Variants in TMEM53 observed in about 807,000 individuals in gnomAD.
TMEM53 encodes transmembrane protein 53, also known as novel DUF829 domain-containing protein.
Under a neutral mutation model 21.4 loss-of-function variants are expected in TMEM53, and 14 were observed. The ratio of observed to expected loss-of-function variants is 0.65; its 90% CI spans 0.43 to 1.02. The LOEUF (loss-of-function observed/expected upper bound fraction) is 1.02, where lower values mean the gene tolerates loss of function less well. TMEM53 is among the 50% of genes least tolerant of loss of function. The pLI is 0.00. For synonymous variants in TMEM53, 148 were observed against 157.4 expected (o/e 0.94, Z 0.45); for missense variants, 323 against 383.6 (o/e 0.84, Z 1.32).
At chr1:44,669,663 T>C (rs187587010) in intron 1 of TMEM53, among the ~76,000 whole-genome samples, 1 of 152,086 alleles carries the variant, frequency 6.6e-6, no homozygotes, top group East Asian at 1.9e-4. Flanking sequence ...GGCATGTGGA[T>C]AGAACATGGT....
Position 44,654,283 on chromosome 1 carries a change from A to T in TMEM53, c.*276T>A. The stretch of plus-strand genomic sequence containing the variant: ...CTACAGCCTGCATGCCACAGGAATC[A>T]GCAGCCTGACTGTTGCACTTGTCCA... On this transcript the variant is annotated 3_prime_UTR_variant, in exon 3 of 3. Coordinates refer to ENST00000372237, the MANE Select transcript of TMEM53 (RefSeq NM_024587.4). This position sits in a 1 kb window ranked among gnomAD's most constrained non-coding sequence, Gnocchi z 7.0. 2.3e-6 allele frequency: 1 copy of T among 437,254 alleles called. No individual in the cohort carries two copies. Among genetic ancestry groups the T allele is most frequent in the Non-Finnish European group, 4.1e-6 (1 of 242,700 alleles). The allele number at this position is 437,254 out of a possible 1,614,324, so 27.1% of individuals were successfully genotyped here.
Position 44,655,184 on chromosome 1 carries a change from G to A in TMEM53, c.209C>T (p.Ala70Val), listed in dbSNP as rs141724304. 1.9e-6 allele frequency: 3 copies of A among 1,610,924 alleles called. No homozygotes were observed. The highest frequency in any genetic ancestry group is 2.5e-6 in the Non-Finnish European group (3 of 1,178,422). Residue 70 changes from alanine (A) to valine (V), a missense_variant, in exon 3 of 3, where the codon GCC (alanine) becomes GTC (valine). Transcript: ENST00000372237. The surrounding 1 kb of genome is among the most constrained non-coding windows in gnomAD (Gnocchi z 4.4). Reference sequence around the variant, plus strand: ...GGAGAAGAAGACCATGTGCCACGGGGCTGTGTATCGGATTACGATGCAGCC... The same window carrying A: ...GGAGAAGAAGACCATGTGCCACGGGACTGTGTATCGGATTACGATGCAGCC... ...KRGCIVIRYT[A>V]PWHMVFFSES...
chr1:44,654,238 C>A lies in TMEM53; in HGVS notation c.*321G>T. The A allele has an allele frequency of 3.4e-6, 1 of 293,412 alleles. No individual in the cohort carries two copies. The highest frequency in any genetic ancestry group is 9.3e-5 in the South Asian group (1 of 10,762). The allele number at this position is 293,412 out of a possible 1,614,324, so 18.2% of individuals were successfully genotyped here. On this transcript the variant is annotated 3_prime_UTR_variant, in exon 3 of 3. Coordinates refer to ENST00000372237, the MANE Select transcript of TMEM53 (RefSeq NM_024587.4). This position sits in a 1 kb window ranked among gnomAD's most constrained non-coding sequence, Gnocchi z 7.0. ...ATCAACTAGGGCTCACCCTCAACAC[C>A]CCCCTCCATTTGTCAACCTCTACAG...
chr1:44,663,215 C>T (rs931905642), intron 1 of TMEM53, among the ~76,000 whole-genome samples: 6 of 152,188 alleles, frequency 3.9e-5, no homozygotes, highest in Non-Finnish European at 7.4e-5. Flanking sequence ...CACCATGGCC[C>T]GGCTCATTTA....
chr1:44,673,946 A>G (rs1645048400), intron 1 of TMEM53: 1 of 985,342 alleles, frequency 1.0e-6, no homozygotes, highest in Admixed American at 6.1e-5. Context: ...GCCTTCGGGA[A>G]AATAATAAGT....
At chr1:44,664,725 C>T (rs913656983) in intron 1 of TMEM53, among the ~76,000 whole-genome samples, 3 of 152,190 alleles carry the variant, frequency 2.0e-5, no homozygotes, top group South Asian at 2.1e-4. Flanking sequence ...TAAATGACCT[C>T]ATCTACCTGC....
At chr1:44,673,725 T>G in intron 1 of TMEM53, 1 of 564,222 alleles carries the variant, frequency 1.8e-6, no homozygotes, top group Non-Finnish European at 2.2e-6. Flanking sequence ...CTTATCCCGG[T>G]TTTGCAGAGG....
At chr1:44,665,076 A>T (rs545776454) in intron 1 of TMEM53, among the ~76,000 whole-genome samples, 85 of 151,350 alleles carry the variant, frequency 5.6e-4, no homozygotes, top group African/African-American at 2.0e-3. Context: ...GCCCTCCCCA[A>T]CCCCTTCTCA....
chr1:44,657,308 G>A (rs75056834), intron 2 of TMEM53, among the ~76,000 whole-genome samples: 35,578 of 152,010 alleles, frequency 0.23, 5,268 homozygotes, highest in Middle Eastern at 0.35. Context: ...CACATCCGCT[G>A]TAAAGGATGC....
intron 1 of TMEM53, 59 bp downstream of exon 1, chr1:44,674,272 G>C (rs1285603804): frequency 1.3e-6 from 2 of 1,547,712 alleles, no homozygotes; most frequent in African/African-American, 2.8e-5. Flanking sequence ...AGCTGCGCTC[G>C]CAACCCACAG....
intron 1 of TMEM53, chr1:44,673,806 C>T: frequency 1.0e-6 from 1 of 974,300 alleles, no homozygotes; most frequent in East Asian, 1.1e-4. Context: ...GTCAGGATTT[C>T]AGTCGAGTTC....
At chr1:44,662,313 C>G (rs1233839484) in intron 1 of TMEM53, among the ~76,000 whole-genome samples, 2 of 152,236 alleles carry the variant, frequency 1.3e-5, no homozygotes, top group African/African-American at 4.8e-5. Context: ...CCTGCCAGCC[C>G]TCCCGGCCTC....
Position 44,654,770 on chromosome 1 carries a change from G to A in TMEM53, c.623C>T (p.Ser208Phe), listed in dbSNP as rs766749596. Residue 208 changes from serine (S) to phenylalanine (F), a missense_variant, in exon 3 of 3, where the codon TCT becomes TTT. Transcript: ENST00000372237. The surrounding 1 kb of genome is among the most constrained non-coding windows in gnomAD (Gnocchi z 7.0). ...GTAGAGGTAGAGCTCGGGCCAGCGAGAGCCCGCGTCCTGTAGCCTGTCATA... is the reference window on the plus strand; with the variant it reads ...GTAGAGGTAGAGCTCGGGCCAGCGAAAGCCCGCGTCCTGTAGCCTGTCATA... Reference protein sequence around the residue: ...HFYDRLQDAGSRWPELYLYSR... With the variant: ...HFYDRLQDAGFRWPELYLYSR... The A allele has an allele frequency of 6.2e-7, 1 of 1,614,058 alleles. No individual in the cohort carries two copies. Among genetic ancestry groups the A allele is most frequent in the Admixed American group, 1.7e-5 (1 of 60,030 alleles).
Position 44,654,514 on chromosome 1 carries a change from G to T in TMEM53, c.*45C>A. The stretch of plus-strand genomic sequence containing the variant: ...GACAGATTGCAGGTTGTGGGGAGGT[G>T]TCAGGCATTTATTTCTGGAGCAGAG... On this transcript the variant is annotated 3_prime_UTR_variant, in exon 3 of 3. Coordinates refer to ENST00000372237, the MANE Select transcript of TMEM53 (RefSeq NM_024587.4). The surrounding 1 kb of genome is among the most constrained non-coding windows in gnomAD (Gnocchi z 7.0). 1 of 1,572,484 alleles carries T rather than the reference G, an allele frequency of 6.4e-7. No individual in the cohort carries two copies.
Position 44,654,283 on chromosome 1 carries a change from A to G in TMEM53, c.*276T>C, listed in dbSNP as rs1422233219. 4 of 437,136 alleles carry G rather than the reference A, an allele frequency of 9.2e-6. No individual in the cohort carries two copies. Among genetic ancestry groups the G allele is most frequent in the Admixed American group, 7.8e-5 (2 of 25,612 alleles). 27.1% of individuals were successfully genotyped at this position (437,136 alleles called of 1,614,324 possible). On this transcript the variant is annotated 3_prime_UTR_variant, in exon 3 of 3. Transcript: ENST00000372237. This position sits in a 1 kb window ranked among gnomAD's most constrained non-coding sequence, Gnocchi z 7.0. The stretch of plus-strand genomic sequence containing the variant: ...CTACAGCCTGCATGCCACAGGAATC[A>G]GCAGCCTGACTGTTGCACTTGTCCA...
rs1644828950 is a variant in TMEM53 at position 44,654,537 on chromosome 1, G to C, written c.*22C>G. 6.3e-7 allele frequency: 1 copy of C among 1,591,378 alleles called. No homozygotes were observed. The highest frequency in any genetic ancestry group is 1.1e-5 in the South Asian group (1 of 89,018). On this transcript the variant is annotated 3_prime_UTR_variant, in exon 3 of 3. Coordinates refer to ENST00000372237, the MANE Select transcript of TMEM53 (RefSeq NM_024587.4). This position sits in a 1 kb window ranked among gnomAD's most constrained non-coding sequence, Gnocchi z 7.0. ...GTGTCAGGCATTTATTTCTGGAGCA[G>C]AGGTGAGATGGAGCAATGGCCTCAG...
chr1:44,672,001 CAG>C (rs1645006364), intron 1 of TMEM53, among the ~76,000 whole-genome samples: 1 of 152,186 alleles, frequency 6.6e-6, no homozygotes, highest in African/African-American at 2.4e-5. Flanking sequence ...CACCATTAAA[CAG>C]TAATTGCAAA....
intron 1 of TMEM53, among the ~76,000 whole-genome samples, chr1:44,671,517 T>C (rs1645000316): frequency 6.6e-6 from 1 of 152,232 alleles, no homozygotes. Flanking sequence ...ATCGCAGCAC[T>C]TTGGGAGGCT....
intron 1 of TMEM53, among the ~76,000 whole-genome samples, chr1:44,668,620 C>T (rs899081048): frequency 7.9e-5 from 12 of 152,270 alleles, no homozygotes; most frequent in South Asian, 2.1e-4. Context: ...TGGCTCACTG[C>T]AGCCTCGAAC....
Sources: allele counts gnomAD v4.1 joint callset (sites outside exome capture counted in the v4.1 genomes callset), GRCh38; gene constraint gnomAD v4.1.1; non-coding constraint Gnocchi (gnomAD v3.1); transcripts MANE v1.5; gene names NCBI Gene and HGNC (gene_info 2026-07-23, HGNC 2026-07-21).